The following DOCK9 variants were observed in gnomAD, a reference collection of about 807,000 sequenced individuals.
DOCK9 encodes the protein dedicator of cytokinesis protein 9.
A neutral mutation model predicts 263.3 loss-of-function variants in DOCK9; 89 were observed. That is an observed-to-expected ratio of 0.34 (90% CI 0.28 to 0.40). The LOEUF is 0.40. Ranked by LOEUF, DOCK9 falls within the 10% of genes least tolerant of loss-of-function variation. DOCK9 has a pLI of 1.00. For missense variants in DOCK9, 2,140 were observed against 2,603.4 expected (o/e 0.82, Z 3.87); for synonymous variants, 976 against 973.1 (o/e 1.00, Z -0.06).
chr13:98,863,542 T>C lies in DOCK9; in HGVS notation c.3293A>G (p.Gln1098Arg), dbSNP rs769883042. 17 of 1,608,824 alleles carry C rather than the reference T, an allele frequency of 1.1e-5. No homozygotes were observed. The highest frequency in any genetic ancestry group is 1.4e-5 in the Non-Finnish European group (16 of 1,176,888). ...CTCATCTGTTAATGAGTAGTCAAGC[T>C]GGAGGTCTGAAATGAGGATAGAAAC... ...KGRIQRYQDL[Q>R]LDYSLTDEFC... Residue 1098 changes from glutamine to arginine, a missense_variant, in exon 31 of 53, where the codon CAG becomes CGG. Transcript: ENST00000682017.
Position 98,949,888 on chromosome 13 carries a change from T to A in DOCK9, c.243+5547A>T, listed in dbSNP as rs147073577. The A allele has an allele frequency of 1.5e-3, 735 of 482,768 alleles. 4 individuals carry two copies. The highest frequency in any genetic ancestry group is 0.013 in the African/African-American group (658 of 50,836). The allele number at this position is 482,768 out of a possible 1,614,324, so 29.9% of individuals were successfully genotyped here. On this transcript the variant is annotated intron_variant, in intron 2 of 52. Transcript: ENST00000682017. ...TTCCCTGGGAAGGCAATTTCATGTATGAGGTCTCCCAGGCAAATGACACCA... is the reference window on the plus strand; with the variant it reads ...TTCCCTGGGAAGGCAATTTCATGTAAGAGGTCTCCCAGGCAAATGACACCA...
intron 2 of DOCK9, chr13:98,950,281 T>G (rs955356379): frequency 2.6e-6 from 2 of 764,466 alleles, no homozygotes; most frequent in Non-Finnish European, 4.3e-6. Context: ...CGAGGAATCA[T>G]ATAGGAATGA....
chr13:98,804,949 C>A, intron 49 of DOCK9, 50 bp downstream of exon 49: 1 of 1,547,138 alleles, frequency 6.5e-7, no homozygotes, highest in East Asian at 2.4e-5. Context: ...CTGGACAGCT[C>A]TTTGGCGAGG....
intron 10 of DOCK9, 136 bp downstream of exon 10, chr13:98,904,496 C>T: frequency 1.5e-6 from 1 of 651,018 alleles, no homozygotes. Flanking sequence ...TATTTTTCCT[C>T]TTTTCCCCAA....
intron 1 of DOCK9, among the ~76,000 whole-genome samples, chr13:99,025,673 C>T (rs991774388): frequency 6.6e-6 from 1 of 152,178 alleles, no homozygotes; most frequent in Non-Finnish European, 1.5e-5. Context: ...CCCAGGTTAC[C>T]GTATGATCCA....
intron 45 of DOCK9, among the ~76,000 whole-genome samples, chr13:98,821,146 C>T (rs775502456): frequency 1.3e-5 from 2 of 152,166 alleles, no homozygotes; most frequent in African/African-American, 4.8e-5. Flanking sequence ...TCCTCTGGGC[C>T]CTGTTCTCCT....
At chr13:98,809,258 T>C (rs776155416) in intron 47 of DOCK9, 94 bp downstream of exon 47, 5 of 1,278,036 alleles carry the variant, frequency 3.9e-6, no homozygotes, top group Non-Finnish European at 4.4e-6. Context: ...AGAGAATTTA[T>C]AAGATATAAC....
chr13:99,064,574 C>T (rs973274343), intron 1 of DOCK9, among the ~76,000 whole-genome samples: 1 of 152,078 alleles, frequency 6.6e-6, no homozygotes, highest in Non-Finnish European at 1.5e-5. Flanking sequence ...AGTAAACGTG[C>T]AAAAAGGCAT....
chr13:99,015,434 A>C lies in DOCK9; in HGVS notation c.130-59883T>G, dbSNP rs775070227. 1.5e-5 allele frequency: 24 copies of C among 1,577,396 alleles called. No homozygotes were observed. In the South Asian group the frequency reaches 2.6e-4, roughly 17 times the overall value. On this transcript the variant is annotated intron_variant, in intron 1 of 32. Coordinates refer to the DOCK9 transcript ENST00000427887. The stretch of plus-strand genomic sequence containing the variant: ...CATTAAACTACTTGTTAATTAAGCA[A>C]GATAGCATTTACCAGCCAGGAGGAG...
upstream of DOCK9, among the ~76,000 whole-genome samples, chr13:99,087,276 A>T (rs1212093993): frequency 2.0e-5 from 3 of 152,184 alleles, no homozygotes; most frequent in Non-Finnish European, 4.4e-5. Context: ...GGGCCGGGCC[A>T]GGCGTGGGAG....
intron 2 of DOCK9, among the ~76,000 whole-genome samples, chr13:98,938,446 T>C (rs113776600): frequency 1.3e-5 from 2 of 152,312 alleles, no homozygotes; most frequent in African/African-American, 4.8e-5. Flanking sequence ...GAATTCTAAG[T>C]CTGTTCCTCT....
intron 1 of DOCK9, among the ~76,000 whole-genome samples, chr13:99,066,947 T>C (rs1277672415): frequency 2.6e-5 from 4 of 152,164 alleles, no homozygotes; most frequent in African/African-American, 9.7e-5. Context: ...ATATTAAACA[T>C]CCGGTTTCTG....
intron 6 of DOCK9, among the ~76,000 whole-genome samples, chr13:98,921,606 G>A (rs1020573823): frequency 2.6e-5 from 4 of 151,982 alleles, no homozygotes; most frequent in Non-Finnish European, 5.9e-5. Context: ...TTCTTCTATT[G>A]GTTTGACTTC....
chr13:99,066,628 T>C (rs1447400435), intron 1 of DOCK9, among the ~76,000 whole-genome samples: 1 of 152,216 alleles, frequency 6.6e-6, no homozygotes, highest in Non-Finnish European at 1.5e-5. Flanking sequence ...TTTGGGGATC[T>C]TTGCACCTAT....
intron 1 of DOCK9, among the ~76,000 whole-genome samples, chr13:98,966,786 G>T (rs2059240894): frequency 6.6e-6 from 1 of 152,254 alleles, no homozygotes; most frequent in Admixed American, 6.5e-5. Flanking sequence ...AAGGGCAGGT[G>T]TTGGGAGTTA....
At chr13:98,999,290 GCACACACACA>G (rs1217981239) in intron 1 of DOCK9, among the ~76,000 whole-genome samples, 2 of 145,762 alleles carry the variant, frequency 1.4e-5, no homozygotes, top group Admixed American at 1.4e-4. Flanking sequence ...GCATGCACGC[GCACACACACA>G]CACACACACA....
At chr13:98,849,797 C>T (rs971551052) in intron 36 of DOCK9, among the ~76,000 whole-genome samples, 3 of 152,154 alleles carry the variant, frequency 2.0e-5, no homozygotes, top group Admixed American at 1.3e-4. Flanking sequence ...ATTAAGATGA[C>T]TTATACACAT....
intron 35 of DOCK9, among the ~76,000 whole-genome samples, chr13:98,852,727 G>A (rs2093607987): frequency 6.6e-6 from 1 of 152,180 alleles, no homozygotes; most frequent in African/African-American, 2.4e-5. Context: ...TACTGGGATT[G>A]TTTATATTAC....
chr13:98,944,265 C>T (rs146854276), intron 2 of DOCK9, among the ~76,000 whole-genome samples: 39 of 151,546 alleles, frequency 2.6e-4, no homozygotes, highest in African/African-American at 7.3e-4. Context: ...GTATTTCATA[C>T]GTGTGTGCTC....
Sources: allele counts gnomAD v4.1 joint callset (sites outside exome capture counted in the v4.1 genomes callset), GRCh38; gene constraint gnomAD v4.1.1; transcripts MANE v1.5; gene names NCBI Gene and HGNC (gene_info 2026-07-23, HGNC 2026-07-21).